Variants in KLHL32 observed in about 807,000 individuals in gnomAD.
KLHL32 encodes kelch like family member 32.
Under a neutral mutation model 64.8 loss-of-function variants are expected in KLHL32, and 35 were observed. The observed-to-expected ratio is 0.54, with a 90% CI of 0.41 to 0.72. The LOEUF (loss-of-function observed/expected upper bound fraction) is 0.72. Ranked by LOEUF, KLHL32 falls within the 30% of genes least tolerant of loss-of-function variation. KLHL32 has a pLI of 0.00. For missense variants in KLHL32, 589 were observed against 768.5 expected (o/e 0.77, Z 2.76); for synonymous variants, 259 against 281.0 (o/e 0.92, Z 0.78).
chr6:97,070,713 G>A lies in KLHL32; in HGVS notation c.411+5987G>A, dbSNP rs547380553. Among the ~76,000 whole-genome samples the A allele has an allele frequency of 3.9e-5, 6 of 152,286 alleles. No individual in the cohort carries two copies. The South Asian group carries it at 1.2e-3, about 32-fold the overall frequency. ...TTCAAACCTAAGCTAACTGTTGTCAGCTGGGTGATTTTAAAATCACTTTCA... is the reference window on the plus strand; with the variant it reads ...TTCAAACCTAAGCTAACTGTTGTCAACTGGGTGATTTTAAAATCACTTTCA... On this transcript the variant is annotated intron_variant, in intron 5 of 10. Coordinates refer to ENST00000369261, the MANE Select transcript of KLHL32 (RefSeq NM_052904.4).
chr6:97,044,249 C>CGTAT (rs1368485467), intron 4 of KLHL32, among the ~76,000 whole-genome samples: 1 of 151,940 alleles, frequency 6.6e-6, no homozygotes, highest in Non-Finnish European at 1.5e-5. Flanking sequence ...TTCAGATGAT[C>CGTAT]GTATGGTTGT....
intron 1 of KLHL32, among the ~76,000 whole-genome samples, chr6:96,943,173 T>C (rs191661334): frequency 3.3e-5 from 5 of 151,824 alleles, no homozygotes; most frequent in South Asian, 4.2e-4. Flanking sequence ...TACACACACA[T>C]GCCTATACAT....
intron 10 of KLHL32, among the ~76,000 whole-genome samples, chr6:97,137,531 G>A (rs1418306297): frequency 6.6e-6 from 1 of 151,932 alleles, no homozygotes; most frequent in Non-Finnish European, 1.5e-5. Context: ...CGTTGTTGAA[G>A]TTAAAGTCTT....
chr6:97,069,266 T>TG (rs1348207701), intron 5 of KLHL32, among the ~76,000 whole-genome samples: 1 of 152,156 alleles, frequency 6.6e-6, no homozygotes, highest in African/African-American at 2.4e-5. Flanking sequence ...CAGCATCCCT[T>TG]GTCTTCGTTA....
chr6:97,058,188 A>G (rs1199728472), intron 4 of KLHL32, among the ~76,000 whole-genome samples: 1 of 152,008 alleles, frequency 6.6e-6, no homozygotes, highest in African/African-American at 2.4e-5. Context: ...CAGTCCTCCA[A>G]CTTTGTTCTC....
chr6:97,011,678 G>A (rs922830900), intron 3 of KLHL32, among the ~76,000 whole-genome samples: 8 of 152,180 alleles, frequency 5.3e-5, no homozygotes, highest in South Asian at 2.1e-4. Context: ...TTAAGCATCC[G>A]AGTCATTACA....
intron 3 of KLHL32, among the ~76,000 whole-genome samples, chr6:97,030,773 C>T (rs1240212286): frequency 6.6e-6 from 1 of 152,100 alleles, no homozygotes; most frequent in Non-Finnish European, 1.5e-5. Flanking sequence ...TCTTTAGTTA[C>T]GATTTTACAT....
At chr6:96,982,186 A>C (rs1324342120) in intron 3 of KLHL32, among the ~76,000 whole-genome samples, 1 of 151,954 alleles carries the variant, frequency 6.6e-6, no homozygotes, top group Admixed American at 6.6e-5. Flanking sequence ...TGGTTATTTA[A>C]GTCTCTTTAT....
chr6:97,099,722 C>A lies in KLHL32; in HGVS notation c.628-14061C>A, dbSNP rs529343150. Among the ~76,000 whole-genome samples the A allele has an allele frequency of 3.3e-5, 5 of 152,278 alleles. No individual in the cohort carries two copies. In the East Asian group the frequency reaches 7.7e-4, roughly 24 times the overall value. ...TCCCACCCGAACTAAGCCCTGCCCC[C>A]CTGTCTCTGCTGCTTTGATTCCTTA... is the stretch of plus-strand genomic sequence containing the variant. On this transcript the variant is annotated intron_variant, in intron 6 of 10. Coordinates refer to ENST00000369261, the MANE Select transcript of KLHL32 (RefSeq NM_052904.4).
chr6:97,095,560 C>A (rs1794870640), intron 6 of KLHL32, among the ~76,000 whole-genome samples: 1 of 152,304 alleles, frequency 6.6e-6, no homozygotes, highest in Admixed American at 6.5e-5. Context: ...CTGTTTTCGA[C>A]CCCATGTGTA....
At chr6:97,054,060 T>C (rs949917663) in intron 4 of KLHL32, among the ~76,000 whole-genome samples, 3 of 152,126 alleles carry the variant, frequency 2.0e-5, no homozygotes, top group Admixed American at 6.5e-5. Context: ...CAGCAGTATA[T>C]GGGAGTTTTA....
chr6:97,118,791 T>A (rs942612297), intron 7 of KLHL32, among the ~76,000 whole-genome samples: 1 of 152,070 alleles, frequency 6.6e-6, no homozygotes, highest in Non-Finnish European at 1.5e-5. Flanking sequence ...CCTCTCCAAG[T>A]CCTGTTCCGG....
chr6:97,114,468 G>A lies in KLHL32; in HGVS notation c.1313G>A (p.Cys438Tyr). ...CAGTCCTTTGACAGATCCCTTTCAT[G>A]CCATGCTGGATATGTGGCTGATGGT... ...FVQSFDRSLS[C>Y]HAGYVADGLL... The change falls in exon 7 of 11, where the codon TGC (cysteine) becomes TAC (tyrosine). Residue 438 changes from cysteine to tyrosine, a missense_variant. Coordinates refer to ENST00000369261, the MANE Select transcript of KLHL32 (RefSeq NM_052904.4). 6.2e-7 allele frequency: 1 copy of A among 1,614,118 alleles called. No homozygotes were observed.
At chr6:96,938,644 C>T (rs1380297236) in intron 1 of KLHL32, among the ~76,000 whole-genome samples, 1 of 152,106 alleles carries the variant, frequency 6.6e-6, no homozygotes, top group Non-Finnish European at 1.5e-5. Context: ...GCAGCAGCAG[C>T]AGCAGCAGGG....
chr6:96,967,465 A>G (rs944688230), intron 2 of KLHL32, among the ~76,000 whole-genome samples: 3 of 151,080 alleles, frequency 2.0e-5, no homozygotes, highest in African/African-American at 4.9e-5. Context: ...AGAGATGTGT[A>G]TATATATATA....
At chr6:97,004,217 A>G (rs750638231) in intron 3 of KLHL32, among the ~76,000 whole-genome samples, 1 of 151,982 alleles carries the variant, frequency 6.6e-6, no homozygotes, top group Non-Finnish European at 1.5e-5. Flanking sequence ...TATTCCAGGT[A>G]TTTTATTCTT....
chr6:96,958,918 T>C (rs959032012), intron 1 of KLHL32, among the ~76,000 whole-genome samples: 2 of 152,132 alleles, frequency 1.3e-5, no homozygotes, highest in Non-Finnish European at 2.9e-5. Flanking sequence ...GTGATGGTGC[T>C]TCAAGCATAT....
chr6:97,045,646 A>G (rs1785805259), intron 4 of KLHL32, among the ~76,000 whole-genome samples: 1 of 152,204 alleles, frequency 6.6e-6, no homozygotes, highest in African/African-American at 2.4e-5. Context: ...ACACATGCAA[A>G]TATATGTGGC....
Position 96,965,599 on chromosome 6 carries a change from G to A in KLHL32, c.-65-1397G>A, listed in dbSNP as rs189492138. On this transcript the variant is annotated intron_variant, in intron 1 of 10. Transcript: ENST00000369261. ...CTCCCTATAGTAATCAATATTCTTT[G>A]CAGTTTTAAAGCTCAAGTGTCCATG... is the stretch of plus-strand genomic sequence containing the variant. Among the ~76,000 whole-genome samples, 12 of 152,254 alleles carry A rather than the reference G, an allele frequency of 7.9e-5. No individual in the cohort carries two copies. The East Asian group carries it at 2.3e-3, about 29-fold the overall frequency.
Sources: allele counts gnomAD v4.1 joint callset (sites outside exome capture counted in the v4.1 genomes callset), GRCh38; gene constraint gnomAD v4.1.1; transcripts MANE v1.5; gene names NCBI Gene and HGNC (gene_info 2026-07-23, HGNC 2026-07-21).